CSMD1: variants seen among roughly 807,000 people sequenced by gnomAD.
The protein encoded by CSMD1 is CUB and sushi domain-containing protein 1.
In CSMD1, 213 loss-of-function variants were observed where a neutral mutation model predicts 417.5. The observed-to-expected ratio is 0.51, with a 90% confidence interval of 0.46 to 0.57. CSMD1 has a LOEUF of 0.57. Ranked by LOEUF, CSMD1 falls within the 20% of genes least tolerant of loss-of-function variation. The probability of loss-of-function intolerance (pLI) is 0.00; values close to 1 mark genes in which losing one functional copy is unlikely to be tolerated. For missense variants in CSMD1, 6,923 were observed against 4,529.7 expected (o/e 1.53, Z -15.17); for synonymous variants, 2,862 against 1,736.8 (o/e 1.65, Z -16.11).
intron 10 of CSMD1, among the ~76,000 whole-genome samples, chr8:3,499,578 TG>T (rs1369913766): frequency 6.6e-6 from 1 of 151,908 alleles, no homozygotes; most frequent in Non-Finnish European, 1.5e-5. Flanking sequence ...ATATCCAGGG[TG>T]CTTGTTGGTA....
chr8:4,892,687 A>G (rs1286175416), intron 1 of CSMD1, among the ~76,000 whole-genome samples: 1 of 152,016 alleles, frequency 6.6e-6, no homozygotes, highest in Non-Finnish European at 1.5e-5. Flanking sequence ...GCATTCATAT[A>G]GTCTTTTTGT....
At chr8:3,575,345 T>G (rs1209885053) in intron 9 of CSMD1, among the ~76,000 whole-genome samples, 1 of 152,124 alleles carries the variant, frequency 6.6e-6, no homozygotes, top group Non-Finnish European at 1.5e-5. Context: ...GACAGCCTCA[T>G]GTGCAATGTC....
At chr8:4,520,499 C>T (rs1399118192) in intron 2 of CSMD1, among the ~76,000 whole-genome samples, 1 of 152,080 alleles carries the variant, frequency 6.6e-6, no homozygotes, top group Non-Finnish European at 1.5e-5. Context: ...TCACACAGTA[C>T]TAAAGCAGAG....
intron 3 of CSMD1, among the ~76,000 whole-genome samples, chr8:4,127,453 G>A (rs1240141857): frequency 1.9e-5 from 2 of 102,724 alleles, no homozygotes; most frequent in African/African-American, 3.8e-5. Flanking sequence ...AAGCATTAAT[G>A]AAAAAAAAAA....
chr8:3,297,607 C>T (rs1804060674), intron 25 of CSMD1, among the ~76,000 whole-genome samples: 1 of 151,918 alleles, frequency 6.6e-6, no homozygotes, highest in African/African-American at 2.4e-5. Context: ...TAACTGTGGA[C>T]AAAAATCTGT....
chr8:4,110,414 C>A (rs1801790191), intron 3 of CSMD1, among the ~76,000 whole-genome samples: 1 of 152,100 alleles, frequency 6.6e-6, no homozygotes, highest in South Asian at 2.1e-4. Flanking sequence ...AAATATAGTA[C>A]TCTGGAAATC....
intron 5 of CSMD1, among the ~76,000 whole-genome samples, chr8:3,767,724 G>A (rs753787257): frequency 1.3e-5 from 2 of 152,082 alleles, no homozygotes; most frequent in African/African-American, 4.8e-5. Context: ...TATACTTTGC[G>A]TTAAGAGAAG....
chr8:4,312,376 A>AATATATATATATATATATATAT (rs535230667), intron 3 of CSMD1, among the ~76,000 whole-genome samples: 2 of 63,136 alleles, frequency 3.2e-5, no homozygotes, highest in African/African-American at 1.3e-4. Context: ...TAATGGAACA[A>AATATATATATATATATATATAT]ATATATATAT....
chr8:4,233,522 G>A (rs1801867473), intron 3 of CSMD1, among the ~76,000 whole-genome samples: 1 of 152,130 alleles, frequency 6.6e-6, no homozygotes, highest in Admixed American at 6.6e-5. Flanking sequence ...TTATAAAAGA[G>A]GACGCAGAGA....
intron 2 of CSMD1, among the ~76,000 whole-genome samples, chr8:4,578,331 CATTTTTTTTTT>C (rs1799238633): frequency 1.8e-5 from 1 of 54,354 alleles, no homozygotes; most frequent in Non-Finnish European, 3.1e-5. Context: ...ACACCCGGCT[CATTTTTTTTTT>C]TTTTTTTTTT....
intron 4 of CSMD1, among the ~76,000 whole-genome samples, chr8:4,016,643 C>A: frequency 6.6e-6 from 1 of 152,290 alleles, no homozygotes; most frequent in South Asian, 2.1e-4. Context: ...TTTGCTTTGT[C>A]TTCTACAGGT....
chr8:3,368,677 A>G (rs1270466653), intron 19 of CSMD1, among the ~76,000 whole-genome samples: 1 of 152,176 alleles, frequency 6.6e-6, no homozygotes, highest in Non-Finnish European at 1.5e-5. Context: ...TAGTCACAGA[A>G]AAAAGTTTCA....
chr8:4,154,767 A>G (rs189042568), intron 3 of CSMD1, among the ~76,000 whole-genome samples: 15 of 152,208 alleles, frequency 9.9e-5, no homozygotes, highest in Admixed American at 2.6e-4. Context: ...TAAGATATGA[A>G]TATCACTGAT....
chr8:4,799,516 T>C (rs1433573528), intron 1 of CSMD1, among the ~76,000 whole-genome samples: 1 of 144,636 alleles, frequency 6.9e-6, no homozygotes, highest in Non-Finnish European at 1.5e-5. Context: ...GGAGAATTGC[T>C]TGAACCCAGG....
intron 7 of CSMD1, among the ~76,000 whole-genome samples, chr8:3,638,266 G>A (rs1797141999): frequency 6.6e-6 from 1 of 152,058 alleles, no homozygotes. Context: ...TAAATAACAT[G>A]TACACCATAA....
intron 3 of CSMD1, among the ~76,000 whole-genome samples, chr8:4,126,571 C>G (rs1802778370): frequency 6.6e-6 from 1 of 152,152 alleles, no homozygotes; most frequent in Non-Finnish European, 1.5e-5. Context: ...GGGATGGAGA[C>G]TGGGGACGGG....
At chr8:4,283,166 G>A (rs761011728) in intron 3 of CSMD1, among the ~76,000 whole-genome samples, 30 of 152,168 alleles carry the variant, frequency 2.0e-4, no homozygotes, top group Non-Finnish European at 4.1e-4. Context: ...AAGGTACGTT[G>A]AGAGTCTTTT....
intron 1 of CSMD1, among the ~76,000 whole-genome samples, chr8:4,652,155 C>A (rs1332409796): frequency 6.6e-6 from 1 of 152,082 alleles, no homozygotes; most frequent in Non-Finnish European, 1.5e-5. Flanking sequence ...GCAATAAATT[C>A]TATTCCCAAT....
At chr8:4,969,236 G>A (rs181924191) in intron 1 of CSMD1, among the ~76,000 whole-genome samples, 3 of 152,136 alleles carry the variant, frequency 2.0e-5, no homozygotes, top group Admixed American at 1.3e-4. Flanking sequence ...CAAACCTAAT[G>A]CTTAGTAAGT....
Sources: gnomAD v4.1 joint callset for allele counts (sites outside exome capture counted in the v4.1 genomes callset) on GRCh38, gnomAD v4.1.1 for gene constraint, MANE v1.5 for transcripts, NCBI Gene and HGNC (gene_info 2026-07-23, HGNC 2026-07-21) for gene names.